The following SNX18 variants were observed in gnomAD, a reference collection of about 807,000 sequenced individuals.
The protein encoded by SNX18 is sorting nexin-18.
SNX18 carries 35 observed loss-of-function variants against 48.7 expected under a neutral mutation model. That is an observed-to-expected ratio of 0.72 (90% confidence interval 0.55 to 0.95). SNX18 has a LOEUF of 0.95. SNX18 is among the 40% of genes least tolerant of loss of function. SNX18 has a pLI of 0.00. For synonymous variants in SNX18, 492 were observed against 384.7 expected (o/e 1.28, Z -3.26); for missense variants, 824 against 871.0 (o/e 0.95, Z 0.68).
At chr5:54,597,081 C>T in the SNX18 span, among the ~76,000 whole-genome samples, 1 of 152,128 alleles carries the variant, frequency 6.6e-6, no homozygotes, top group South Asian at 2.1e-4. Context: ...AAATGGGAAA[C>T]AGCAAAAAGC....
At chr5:54,636,442 A>AT in the SNX18 span, among the ~76,000 whole-genome samples, 7 of 152,070 alleles carry the variant, frequency 4.6e-5, no homozygotes, top group Non-Finnish European at 1.0e-4. Context: ...GAAAAAAAAA[A>AT]TTGAGTTGTA....
chr5:54,554,978 A>T, the SNX18 span, among the ~76,000 whole-genome samples: 1 of 152,232 alleles, frequency 6.6e-6, no homozygotes, highest in Admixed American at 6.5e-5. Flanking sequence ...CTTCAGAAAG[A>T]TAATTGTGTC....
chr5:54,518,838 A>G lies in SNX18; in HGVS notation c.886A>G (p.Ile296Val), dbSNP rs1261872737. Residue 296 changes from isoleucine to valine, a missense_variant, in exon 1 of 2, where the codon ATC (isoleucine) becomes GTC (valine). By Grantham distance (29) the Ile-to-Val change is conservative. Coordinates refer to ENST00000381410, the MANE Select transcript of SNX18 (RefSeq NM_001102575.2). Reference sequence around the variant, plus strand: ...CAAGTTCAAGGGCATGAAGAGCTACATCTCCTACAAGCTGGTGCCCACGCA... The same window carrying G: ...CAAGTTCAAGGGCATGAAGAGCTACGTCTCCTACAAGCTGGTGCCCACGCA... ...QTKFKGMKSY[I>V]SYKLVPTHTQ... 4 of 1,610,622 alleles carry G rather than the reference A, an allele frequency of 2.5e-6. No homozygotes were observed. Among genetic ancestry groups the G allele is most frequent in the Non-Finnish European group, 3.4e-6 (4 of 1,178,000 alleles).
At chr5:54,534,916 G>A (rs1158655275) in intron 1 of SNX18, among the ~76,000 whole-genome samples, 4 of 152,122 alleles carry the variant, frequency 2.6e-5, no homozygotes, top group African/African-American at 9.7e-5. Flanking sequence ...AATTGGCATT[G>A]AAATCCTAAG....
the SNX18 span, among the ~76,000 whole-genome samples, chr5:54,596,239 T>TCCC: frequency 2.0e-3 from 2 of 1,024 alleles, no homozygotes; most frequent in Non-Finnish European, 0.02. Context: ...CTTATGATGT[T>TCCC]ATTTGAAAAA....
chr5:54,617,512 G>A, the SNX18 span, among the ~76,000 whole-genome samples: 5 of 152,160 alleles, frequency 3.3e-5, no homozygotes, highest in African/African-American at 1.2e-4. Flanking sequence ...CATTACTAAA[G>A]ATGTCCTGTG....
the SNX18 span, among the ~76,000 whole-genome samples, chr5:54,642,611 G>T: frequency 2.6e-5 from 4 of 152,182 alleles, no homozygotes; most frequent in African/African-American, 9.7e-5. Flanking sequence ...TAGTTGAAAA[G>T]GATGCAGGTC....
At chr5:54,575,698 C>T in the SNX18 span, among the ~76,000 whole-genome samples, 308 of 152,066 alleles carry the variant, frequency 2.0e-3, no homozygotes, top group Non-Finnish European at 2.7e-3. Flanking sequence ...GCAGGACATA[C>T]AATTTTCCAT....
At chr5:54,540,051 A>G (rs541904949) in intron 1 of SNX18, among the ~76,000 whole-genome samples, 15 of 151,952 alleles carry the variant, frequency 9.9e-5, no homozygotes, top group African/African-American at 3.4e-4. Context: ...ATGAGTCCCA[A>G]ATTCTTCTTG....
the SNX18 span, among the ~76,000 whole-genome samples, chr5:54,631,925 G>C: frequency 6.6e-6 from 1 of 152,224 alleles, no homozygotes. Context: ...AATTGGGCCA[G>C]AGCAGATTAC....
chr5:54,590,739 T>G, the SNX18 span, among the ~76,000 whole-genome samples: 3 of 152,182 alleles, frequency 2.0e-5, no homozygotes, highest in African/African-American at 7.2e-5. Context: ...ACCCAAGCCC[T>G]TTTTTCTCAG....
chr5:54,596,973 A>G, the SNX18 span, among the ~76,000 whole-genome samples: 1 of 152,200 alleles, frequency 6.6e-6, no homozygotes. Flanking sequence ...CTGGATAAAG[A>G]GTCAAAATCC....
At chr5:54,641,426 G>A in the SNX18 span, among the ~76,000 whole-genome samples, 12 of 152,054 alleles carry the variant, frequency 7.9e-5, no homozygotes, top group Non-Finnish European at 4.4e-5. Flanking sequence ...TGGAATCTCA[G>A]CACATAAAAT....
At chr5:54,534,794 T>G (rs1580104138) in intron 1 of SNX18, among the ~76,000 whole-genome samples, 2 of 152,296 alleles carry the variant, frequency 1.3e-5, no homozygotes, top group South Asian at 2.1e-4. Flanking sequence ...GCAGTGCAAG[T>G]ACATCTGCTA....
At chr5:54,551,016 G>A (rs1324585623), downstream of SNX18, among the ~76,000 whole-genome samples, 1 of 151,528 alleles carries the variant, frequency 6.6e-6, no homozygotes, top group Admixed American at 6.6e-5. Context: ...GAATATAAAC[G>A]ATTGAATGTA....
the SNX18 span, among the ~76,000 whole-genome samples, chr5:54,581,386 C>T: frequency 6.6e-6 from 1 of 152,030 alleles, no homozygotes; most frequent in Non-Finnish European, 1.5e-5. Flanking sequence ...GATGGGATTG[C>T]TATTGCTCTG....
chr5:54,577,271 A>G, the SNX18 span, among the ~76,000 whole-genome samples: 2 of 152,244 alleles, frequency 1.3e-5, no homozygotes, highest in South Asian at 4.1e-4. Context: ...ATGTCACAGG[A>G]ATATGTCATA....
the SNX18 span, among the ~76,000 whole-genome samples, chr5:54,629,264 A>G: frequency 1.3e-5 from 2 of 152,200 alleles, no homozygotes; most frequent in East Asian, 3.9e-4. Flanking sequence ...ACTGAGGTCC[A>G]TGTTCTCACA....
chr5:54,533,251 G>T (rs1158489479), intron 1 of SNX18, among the ~76,000 whole-genome samples: 1 of 152,132 alleles, frequency 6.6e-6, no homozygotes, highest in African/African-American at 2.4e-5. Flanking sequence ...ATAGTTATTA[G>T]CTTTAGGGAC....
Sources: allele counts gnomAD v4.1 joint callset (sites outside exome capture counted in the v4.1 genomes callset), GRCh38; gene constraint gnomAD v4.1.1; transcripts MANE v1.5; gene names NCBI Gene and HGNC (gene_info 2026-07-23, HGNC 2026-07-21).